OSBPL1A: variants seen among roughly 807,000 people sequenced by gnomAD.
OSBPL1A encodes oxysterol-binding protein-related protein 1.
Under a neutral mutation model 137.1 loss-of-function variants are expected in OSBPL1A, and 80 were observed. That is an observed-to-expected ratio of 0.58 (90% CI 0.49 to 0.70). The LOEUF is 0.70. Ranked by LOEUF, OSBPL1A falls within the 30% of genes least tolerant of loss-of-function variation. OSBPL1A has a pLI of 0.00. For missense variants in OSBPL1A, 970 were observed against 1,129.4 expected, an observed-to-expected ratio of 0.86 and a Z score of 2.02; for synonymous variants, 365 against 389.7, an observed-to-expected ratio of 0.94 and a Z score of 0.75.
intron 14 of OSBPL1A, among the ~76,000 whole-genome samples, chr18:24,292,060 G>C (rs990982133): frequency 6.6e-6 from 1 of 152,096 alleles, no homozygotes; most frequent in East Asian, 1.9e-4. Flanking sequence ...ACTCCAGCCT[G>C]AGCAACAGCA....
chr18:24,357,759 A>G (rs2091561670), intron 4 of OSBPL1A: 1 of 152,200 alleles, frequency 6.6e-6, no homozygotes, highest in Non-Finnish European at 1.5e-5. Context: ...GGTAAAACTT[A>G]GGAAGAATTC....
At chr18:24,343,053 C>A (rs1483894094) in intron 4 of OSBPL1A, among the ~76,000 whole-genome samples, 1 of 151,672 alleles carries the variant, frequency 6.6e-6, no homozygotes, top group African/African-American at 2.4e-5. Context: ...AGTAGAGTAA[C>A]CCACAGAATG....
intron 27 of OSBPL1A, among the ~76,000 whole-genome samples, chr18:24,163,991 A>C (rs920337934): frequency 6.6e-6 from 1 of 152,088 alleles, no homozygotes; most frequent in Non-Finnish European, 1.5e-5. Context: ...CGGCCTCCCA[A>C]AGTGCTGGGA....
intron 14 of OSBPL1A, among the ~76,000 whole-genome samples, chr18:24,287,915 G>A (rs2090097705): frequency 1.3e-5 from 2 of 152,230 alleles, no homozygotes; most frequent in Admixed American, 1.3e-4. Flanking sequence ...CTGAAAGAAA[G>A]CTTGGACCAA....
At chr18:24,319,981 C>CAAA (rs56140141) in intron 7 of OSBPL1A, among the ~76,000 whole-genome samples, 184 of 77,458 alleles carry the variant, frequency 2.4e-3, no homozygotes, top group Middle Eastern at 8.2e-3. Flanking sequence ...CTTATCTCTA[C>CAAA]AAAAAAAAAA....
chr18:24,223,073 A>C (rs563517924), intron 17 of OSBPL1A, among the ~76,000 whole-genome samples: 1 of 152,252 alleles, frequency 6.6e-6, no homozygotes, highest in South Asian at 2.1e-4. Flanking sequence ...CTTCAGGCTG[A>C]TCCCCCAGGT....
chr18:24,393,517 A>G (rs573336964), intron 1 of OSBPL1A, among the ~76,000 whole-genome samples: 18 of 152,048 alleles, frequency 1.2e-4, no homozygotes, highest in Non-Finnish European at 2.4e-4. Context: ...CAGTGGCACG[A>G]TCTCCGCTCA....
intron 7 of OSBPL1A, among the ~76,000 whole-genome samples, chr18:24,319,915 C>T (rs536604397): frequency 1.4e-5 from 2 of 147,604 alleles, no homozygotes; most frequent in East Asian, 2.0e-4. Flanking sequence ...GAGGCTAAGG[C>T]GGAAGGATGG....
chr18:24,225,031 G>A lies in OSBPL1A; in HGVS notation c.1601+11C>T, dbSNP rs761315738. On this transcript the variant is annotated intron_variant, in intron 17 of 27. Transcript: ENST00000319481. ...AAACGCAGCAGTGACAACTGTCAGAGGCGATCCTACCTGTGTTTCTTGATG... is the reference window on the plus strand; with the variant it reads ...AAACGCAGCAGTGACAACTGTCAGAAGCGATCCTACCTGTGTTTCTTGATG... The A allele has an allele frequency of 3.1e-6, 5 of 1,613,956 alleles. No homozygotes were observed. In the South Asian group the frequency reaches 4.4e-5, roughly 14 times the overall value.
intron 15 of OSBPL1A, among the ~76,000 whole-genome samples, chr18:24,244,333 CA>C (rs1199889538): frequency 3.3e-5 from 5 of 152,178 alleles, no homozygotes; most frequent in Admixed American, 2.6e-4. Flanking sequence ...TAACTTCCTT[CA>C]CAGAACTAGT....
At chr18:24,338,071 T>G (rs1444864322) in intron 5 of OSBPL1A, among the ~76,000 whole-genome samples, 38 of 139,488 alleles carry the variant, frequency 2.7e-4, no homozygotes, top group Non-Finnish European at 3.0e-5. Flanking sequence ...AAATTTTTCT[T>G]TTTCTTTCTT....
intron 21 of OSBPL1A, among the ~76,000 whole-genome samples, chr18:24,176,143 T>A (rs373678451): frequency 6.6e-6 from 1 of 152,232 alleles, no homozygotes; most frequent in Non-Finnish European, 1.5e-5. Flanking sequence ...TGCCTTTCCA[T>A]ACAAACTTAG....
chr18:24,309,983 GT>G (rs1291467774), intron 13 of OSBPL1A, among the ~76,000 whole-genome samples: 1 of 145,920 alleles, frequency 6.9e-6, no homozygotes, highest in African/African-American at 2.5e-5. Context: ...GGAGGCGGAA[GT>G]TGCAGGGAGC....
chr18:24,181,059 A>G, intron 19 of OSBPL1A, 86 bp downstream of exon 19: 1 of 1,458,978 alleles, frequency 6.9e-7, no homozygotes, highest in South Asian at 1.4e-5. Flanking sequence ...TGAATTTAAC[A>G]CTAATTGTGT....
intron 17 of OSBPL1A, among the ~76,000 whole-genome samples, chr18:24,214,038 G>A (rs2087622910): frequency 6.6e-6 from 1 of 152,112 alleles, no homozygotes; most frequent in Non-Finnish European, 1.5e-5. Context: ...CCTTACTATA[G>A]GCCTGCTTCA....
At chr18:24,180,292 A>C (rs566661570) in intron 19 of OSBPL1A, among the ~76,000 whole-genome samples, 12 of 152,334 alleles carry the variant, frequency 7.9e-5, no homozygotes, top group African/African-American at 2.2e-4. Context: ...TGCTTTGTTG[A>C]AGGAGAACAA....
chr18:24,384,031 G>A (rs975155744), intron 1 of OSBPL1A, among the ~76,000 whole-genome samples: 4 of 152,206 alleles, frequency 2.6e-5, no homozygotes, highest in Non-Finnish European at 4.4e-5. Flanking sequence ...GCACAGAGGA[G>A]AAGGGGAGTG....
chr18:24,367,749 T>TA (rs1413979005), intron 3 of OSBPL1A: 2 of 152,268 alleles, frequency 1.3e-5, no homozygotes, highest in South Asian at 4.1e-4. Flanking sequence ...ATTTCCTCCT[T>TA]TATCAATTTA....
intron 17 of OSBPL1A, among the ~76,000 whole-genome samples, chr18:24,222,906 G>A (rs776354040): frequency 7.9e-5 from 12 of 151,950 alleles, no homozygotes; most frequent in Admixed American, 2.0e-4. Context: ...ATGGGGTGAG[G>A]GAGAAATGCA....
Sources: gnomAD v4.1 joint callset for allele counts (sites outside exome capture counted in the v4.1 genomes callset) on GRCh38, gnomAD v4.1.1 for gene constraint, MANE v1.5 for transcripts, NCBI Gene and HGNC (gene_info 2026-07-23, HGNC 2026-07-21) for gene names.